SNTG1: variants seen among roughly 807,000 people sequenced by gnomAD.
The protein encoded by SNTG1 is syntrophin gamma 1, also known as gamma-1-syntrophin.
In SNTG1, 39 loss-of-function variants were observed where a neutral mutation model predicts 74.7. The ratio of observed to expected loss-of-function variants is 0.52; its 90% CI spans 0.40 to 0.68. The LOEUF is 0.68. Ranked by LOEUF, SNTG1 falls within the 30% of genes least tolerant of loss-of-function variation. SNTG1 has a pLI of 0.00. For missense variants in SNTG1, 685 were observed against 609.5 expected (o/e 1.12, Z -1.30); for synonymous variants, 254 against 217.1 (o/e 1.17, Z -1.49).
At chr8:50,507,734 G>T in intron 9 of SNTG1, among the ~76,000 whole-genome samples, 1 of 151,862 alleles carries the variant, frequency 6.6e-6, no homozygotes, top group Non-Finnish European at 1.5e-5. Flanking sequence ...TGCACAACGT[G>T]CAGGTTAGCT....
intron 8 of SNTG1, among the ~76,000 whole-genome samples, chr8:50,462,796 C>CTTTTTTTGTTTTTTTTTTT (rs2093577192): frequency 1.7e-5 from 1 of 57,412 alleles, no homozygotes. Context: ...AGGTTCTACT[C>CTTTTTTTGTTTTTTTTTTT]TTTTTTTTTT....
At chr8:50,552,261 A>C (rs187616541) in intron 11 of SNTG1, among the ~76,000 whole-genome samples, 2 of 152,306 alleles carry the variant, frequency 1.3e-5, no homozygotes, top group African/African-American at 4.8e-5. Flanking sequence ...TAAACATTGC[A>C]ATATCTGGAA....
At chr8:50,160,601 T>TTATTTTAC (rs1456016395) in intron 1 of SNTG1, among the ~76,000 whole-genome samples, 4 of 151,056 alleles carry the variant, frequency 2.6e-5, no homozygotes, top group Admixed American at 6.6e-5. Context: ...TAACATAGTG[T>TTATTTTAC]ATTAGTAAAT....
intron 2 of SNTG1, among the ~76,000 whole-genome samples, chr8:50,234,598 G>C (rs1440937539): frequency 6.6e-6 from 1 of 152,028 alleles, no homozygotes; most frequent in Non-Finnish European, 1.5e-5. Context: ...ACTGGGTGAA[G>C]GGTACAAGCA....
chr8:50,173,090 C>T (rs927456961), intron 2 of SNTG1, among the ~76,000 whole-genome samples: 2 of 149,492 alleles, frequency 1.3e-5, no homozygotes, highest in African/African-American at 2.5e-5. Context: ...GAGTGGGTTG[C>T]GATGCTTGGC....
intron 12 of SNTG1, among the ~76,000 whole-genome samples, chr8:50,590,543 G>A (rs999376801): frequency 6.6e-6 from 1 of 151,974 alleles, no homozygotes; most frequent in Non-Finnish European, 1.5e-5. Context: ...ATTTCAAAGT[G>A]CAAAAAATAA....
chr8:50,663,487 G>A (rs571625620), intron 15 of SNTG1, among the ~76,000 whole-genome samples: 5 of 152,110 alleles, frequency 3.3e-5, no homozygotes, highest in African/African-American at 1.2e-4. Flanking sequence ...CAGAGGAGTC[G>A]GGCCTGAATA....
chr8:50,691,279 G>C (rs1425103143), intron 15 of SNTG1, among the ~76,000 whole-genome samples: 1 of 152,164 alleles, frequency 6.6e-6, no homozygotes, highest in Non-Finnish European at 1.5e-5. Flanking sequence ...GTGTGTATTT[G>C]ATCCTGTCAT....
At chr8:50,458,664 T>C (rs1273590941) in intron 8 of SNTG1, among the ~76,000 whole-genome samples, 2 of 152,194 alleles carry the variant, frequency 1.3e-5, no homozygotes, top group African/African-American at 4.8e-5. Flanking sequence ...ACACTTGCCA[T>C]GAAGTAGCAT....
intron 2 of SNTG1, among the ~76,000 whole-genome samples, chr8:50,250,088 TTATGA>T (rs1406474909): frequency 6.6e-6 from 1 of 151,426 alleles, no homozygotes; most frequent in African/African-American, 2.4e-5. Flanking sequence ...AGGAAAACAA[TTATGA>T]TATGAACGAA....
intron 2 of SNTG1, among the ~76,000 whole-genome samples, chr8:50,196,491 T>C (rs1002497431): frequency 1.3e-5 from 2 of 152,142 alleles, no homozygotes; most frequent in African/African-American, 4.8e-5. Context: ...CAAGTGTGGA[T>C]GGTTGAAGGA....
chr8:50,257,279 A>T (rs552925919), intron 2 of SNTG1, among the ~76,000 whole-genome samples: 2 of 152,290 alleles, frequency 1.3e-5, no homozygotes, highest in South Asian at 2.1e-4. Context: ...TAGCCCACTT[A>T]TAGGGTGTAG....
intron 1 of SNTG1, among the ~76,000 whole-genome samples, chr8:50,145,972 T>TA (rs57094954): frequency 3.3e-4 from 48 of 144,310 alleles, no homozygotes; most frequent in South Asian, 6.5e-4. Context: ...ATAATAATAA[T>TA]AAAAAAAAAA....
intron 2 of SNTG1, among the ~76,000 whole-genome samples, chr8:50,300,315 A>G (rs1182091782): frequency 1.3e-5 from 2 of 152,196 alleles, no homozygotes; most frequent in Non-Finnish European, 2.9e-5. Context: ...GCACATACAT[A>G]TCTACATAGT....
chr8:50,201,996 A>G (rs1412272456), intron 2 of SNTG1, among the ~76,000 whole-genome samples: 1 of 152,132 alleles, frequency 6.6e-6, no homozygotes. Context: ...CTCCATGGGC[A>G]ACACCTTTAT....
At chr8:50,357,115 C>A (rs1023128558) in intron 2 of SNTG1, among the ~76,000 whole-genome samples, 5 of 152,192 alleles carry the variant, frequency 3.3e-5, no homozygotes, top group African/African-American at 1.2e-4. Context: ...CCTTCAGGAG[C>A]TGGCTTCACC....
chr8:50,633,084 G>T (rs1461117223), intron 13 of SNTG1, among the ~76,000 whole-genome samples: 2 of 152,116 alleles, frequency 1.3e-5, no homozygotes, highest in Non-Finnish European at 2.9e-5. Context: ...AGCATTCATG[G>T]GCATTAGTAA....
At chr8:50,411,676 C>A (rs528055599) in intron 4 of SNTG1, among the ~76,000 whole-genome samples, 6 of 152,016 alleles carry the variant, frequency 3.9e-5, no homozygotes, top group Admixed American at 6.6e-5. Context: ...GTGCTGGAAA[C>A]CCCTTCTCTC....
intron 9 of SNTG1, among the ~76,000 whole-genome samples, chr8:50,519,077 C>G (rs35796758): frequency 6.6e-6 from 1 of 152,178 alleles, no homozygotes; most frequent in African/African-American, 2.4e-5. Flanking sequence ...CAAAATGAAT[C>G]CAGCAGCACA....
Sources: allele counts gnomAD v4.1 joint callset (sites outside exome capture counted in the v4.1 genomes callset), GRCh38; gene constraint gnomAD v4.1.1; transcripts MANE v1.5; gene names NCBI Gene and HGNC (gene_info 2026-07-23, HGNC 2026-07-21).